Variants in AKAP12 observed in about 807,000 individuals in gnomAD.
AKAP12 encodes A-kinase anchor protein 12.
Under a neutral mutation model 79.9 loss-of-function variants are expected in AKAP12, and 32 were observed. That is an observed-to-expected ratio of 0.40 (90% CI 0.30 to 0.54). The LOEUF (loss-of-function observed/expected upper bound fraction) is 0.54. AKAP12 is among the 20% of genes least tolerant of loss of function. AKAP12 has a pLI of 0.48. For missense variants in AKAP12, 2,074 were observed against 2,177.0 expected (o/e 0.95, Z 0.94); for synonymous variants, 808 against 857.0 (o/e 0.94, Z 1.00).
At chr6:151,264,001 C>T (rs1797493927) in intron 2 of AKAP12, among the ~76,000 whole-genome samples, 1 of 151,928 alleles carries the variant, frequency 6.6e-6, no homozygotes. Context: ...AAGCTGAGCC[C>T]ACCCAGCTCA....
chr6:151,261,558 G>A (rs981822640), intron 2 of AKAP12, among the ~76,000 whole-genome samples: 6 of 150,818 alleles, frequency 4.0e-5, no homozygotes, highest in African/African-American at 9.7e-5. Context: ...AAAATTAGCC[G>A]AGCATTATGG....
intron 2 of AKAP12, among the ~76,000 whole-genome samples, chr6:151,282,645 G>A (rs1285978161): frequency 2.0e-5 from 3 of 152,198 alleles, no homozygotes; most frequent in African/African-American, 7.2e-5. Context: ...AGGAGGGCCA[G>A]AATGGGGCTC....
chr6:151,287,507 C>T (rs1776529368), intron 2 of AKAP12, among the ~76,000 whole-genome samples: 2 of 152,160 alleles, frequency 1.3e-5, no homozygotes, highest in Admixed American at 6.5e-5. Flanking sequence ...GCGATCTGCC[C>T]ACCTCGGCCT....
intron 2 of AKAP12, among the ~76,000 whole-genome samples, chr6:151,249,708 A>T (rs1040395259): frequency 2.0e-5 from 3 of 152,194 alleles, no homozygotes; most frequent in African/African-American, 7.2e-5. Flanking sequence ...TTAAAACTCA[A>T]GTTTCCATAT....
At chr6:151,290,363 A>T (rs1413997922) in intron 2 of AKAP12, among the ~76,000 whole-genome samples, 1 of 152,126 alleles carries the variant, frequency 6.6e-6, no homozygotes, top group Admixed American at 6.5e-5. Context: ...TGACTGAGAC[A>T]GACAGAATGG....
intron 4 of AKAP12, among the ~76,000 whole-genome samples, chr6:151,355,506 T>C (rs1778419017): frequency 6.6e-6 from 1 of 151,688 alleles, no homozygotes; most frequent in African/African-American, 2.4e-5. Flanking sequence ...TTTCAACATG[T>C]TGGCCAGGAT....
intron 2 of AKAP12, among the ~76,000 whole-genome samples, chr6:151,289,426 C>G (rs1042029903): frequency 6.6e-6 from 1 of 152,118 alleles, no homozygotes; most frequent in Admixed American, 6.6e-5. Flanking sequence ...GTTTCAGAAG[C>G]AGAAGTATGA....
intron 2 of AKAP12, among the ~76,000 whole-genome samples, chr6:151,290,901 T>C (rs1776605167): frequency 2.0e-5 from 3 of 152,320 alleles, no homozygotes; most frequent in South Asian, 2.1e-4. Flanking sequence ...TGAGCCACCT[T>C]GCCCAGCCTG....
chr6:151,319,945 A>G (rs907585774), intron 3 of AKAP12: 1 of 152,234 alleles, frequency 6.6e-6, no homozygotes, highest in African/African-American at 2.4e-5. Context: ...CAAGAAGAAA[A>G]GAGACCCTAC....
chr6:151,343,849 CT>C, intron 3 of AKAP12: 1 of 400,368 alleles, frequency 2.5e-6, no homozygotes, highest in Non-Finnish European at 4.7e-6. Context: ...TTGGATTTAA[CT>C]ATAAACAAAT....
At chr6:151,304,038 G>A (rs1776921434) in intron 2 of AKAP12, among the ~76,000 whole-genome samples, 1 of 152,132 alleles carries the variant, frequency 6.6e-6, no homozygotes, top group Admixed American at 6.5e-5. Flanking sequence ...ATTATAAAAT[G>A]GAAATAATAG....
chr6:151,345,926 TGTGTGTGAGAGAGAGAGA>T (rs1778087643), intron 3 of AKAP12, among the ~76,000 whole-genome samples: 2 of 107,492 alleles, frequency 1.9e-5, no homozygotes, highest in African/African-American at 6.2e-5. Flanking sequence ...TGTGTGTGTG[TGTGTGTGAGAGAGAGAGA>T]GAGAGAGAGA....
intron 3 of AKAP12, among the ~76,000 whole-genome samples, chr6:151,311,107 A>G (rs1777090092): frequency 6.6e-6 from 1 of 152,166 alleles, no homozygotes; most frequent in Non-Finnish European, 1.5e-5. Context: ...AGTTAAGACT[A>G]GAGGCATGTG....
intron 2 of AKAP12, among the ~76,000 whole-genome samples, chr6:151,296,432 T>C (rs1016703849): frequency 2.0e-5 from 3 of 152,218 alleles, no homozygotes; most frequent in Non-Finnish European, 4.4e-5. Context: ...GGAATATAAA[T>C]GTATACTCCT....
In AKAP12 at chr6:151,351,743, G is replaced by T; in HGVS notation, c.3352G>T (p.Glu1118Ter). ...QGKVVGQTTP[E>*]SFEKAPQVTE... is the part of the protein sequence containing the mutation. Reference sequence around the variant, plus strand: ...GAAGGTGGTGGGGCAGACCACCCCAGAAAGCTTTGAAAAAGCTCCTCAAGT... The same window carrying T: ...GAAGGTGGTGGGGCAGACCACCCCATAAAGCTTTGAAAAAGCTCCTCAAGT... The change falls in exon 4 of 5, where the codon GAA becomes TAA. Residue 1118 changes from glutamate (E) to a stop codon, truncating the protein, a stop_gained. Transcript: ENST00000402676. LOFTEE classifies it low-confidence loss of function (END_TRUNC). This position sits in a 1 kb window ranked among gnomAD's most constrained non-coding sequence, Gnocchi z 4.4. The T allele has an allele frequency of 6.2e-7, 1 of 1,614,202 alleles. No individual in the cohort carries two copies. The highest frequency in any genetic ancestry group is 1.1e-5 in the South Asian group (1 of 91,080).
chr6:151,304,471 A>G (rs1335332173), intron 2 of AKAP12, among the ~76,000 whole-genome samples: 1 of 122,904 alleles, frequency 8.1e-6, no homozygotes. Flanking sequence ...CCTGGGTGAA[A>G]CAGTGACACT....
chr6:151,314,850 C>T (rs1460323486), intron 3 of AKAP12, among the ~76,000 whole-genome samples: 6 of 151,898 alleles, frequency 4.0e-5, no homozygotes, highest in African/African-American at 4.8e-5. Flanking sequence ...GTCAGGAGTT[C>T]GAGACCAGCC....
chr6:151,298,117 G>T (rs1277832055), intron 2 of AKAP12, among the ~76,000 whole-genome samples: 1 of 152,152 alleles, frequency 6.6e-6, no homozygotes, highest in African/African-American at 2.4e-5. Context: ...TATGTGCTGT[G>T]CTGTCTTCTG....
intron 2 of AKAP12, among the ~76,000 whole-genome samples, chr6:151,258,890 A>G (rs1429665357): frequency 6.6e-6 from 1 of 151,150 alleles, no homozygotes; most frequent in Non-Finnish European, 1.5e-5. Flanking sequence ...AGCCTCCCCA[A>G]GTGCTGAATT....
Sources: allele counts gnomAD v4.1 joint callset (sites outside exome capture counted in the v4.1 genomes callset), GRCh38; gene constraint gnomAD v4.1.1; non-coding constraint Gnocchi (gnomAD v3.1); transcripts MANE v1.5; gene names NCBI Gene and HGNC (gene_info 2026-07-23, HGNC 2026-07-21).